The following DLG2 variants were observed in gnomAD, a reference collection of about 807,000 sequenced individuals.
The protein encoded by DLG2 is disks large homolog 2.
In DLG2, 45 loss-of-function variants were observed where a neutral mutation model predicts 132.5. The observed-to-expected ratio is 0.34, with a 90% CI of 0.27 to 0.44. The LOEUF is 0.44. Ranked by LOEUF, DLG2 falls within the 20% of genes least tolerant of loss-of-function variation. The pLI, the probability that DLG2 is intolerant of heterozygous loss-of-function variation, is 1.00. For missense variants in DLG2, 1,045 were observed against 1,196.9 expected (o/e 0.87, Z 1.87); for synonymous variants, 424 against 419.6 (o/e 1.01, Z -0.13).
intron 6 of DLG2, among the ~76,000 whole-genome samples, chr11:84,727,588 G>C (rs902511517): frequency 3.3e-5 from 5 of 151,914 alleles, no homozygotes; most frequent in African/African-American, 1.2e-4. Flanking sequence ...GCTCTTTTTT[G>C]GTTCCATATG....
intron 9 of DLG2, among the ~76,000 whole-genome samples, chr11:84,155,197 G>A (rs377561175): frequency 6.6e-6 from 1 of 152,062 alleles, no homozygotes; most frequent in African/African-American, 2.4e-5. Context: ...GAGGGTTGAG[G>A]CTCTTCATTT....
At chr11:84,193,610 C>T (rs868450102) in intron 8 of DLG2, among the ~76,000 whole-genome samples, 161 of 152,156 alleles carry the variant, frequency 1.1e-3, no homozygotes, top group African/African-American at 3.6e-3. Flanking sequence ...TTTGATTAAA[C>T]CTCATATTTG....
At position 84,502,198 on chromosome 11, in the gene DLG2, CTCTCCTTCCTTCCTTCCTTCCTTCCT is replaced by C. The variant is rs1220266206; in HGVS notation, c.519+32346_519+32371del. On this transcript the variant is annotated intron_variant, in intron 7 of 27. Coordinates refer to ENST00000376104, the MANE Select transcript of DLG2 (RefSeq NM_001142699.3). ...TCTTTCTCTCTCTTTCTCTCTCTCT[CTCTCCTTCCTTCCTTCCTTCCTTCCT>C]TCCTTCCTTCCTTCCTTCCTTCCTT... is the stretch of plus-strand genomic sequence containing the variant. Among the ~76,000 whole-genome samples, 42 of 9,040 alleles carry C rather than the reference CTCTCCTTCCTTCCTTCCTTCCTTCCT, an allele frequency of 4.6e-3. 8 individuals carry two copies. Among genetic ancestry groups the C allele is most frequent in the Non-Finnish European group, 7.6e-3 (28 of 3,662 alleles). The allele number at this position is 9,040 out of a possible 152,430, so 5.9% of individuals were successfully genotyped here. A position where few individuals can be genotyped will look rare whatever the true frequency, so the allele number is the denominator to read the frequency against.
intron 3 of DLG2, among the ~76,000 whole-genome samples, chr11:85,389,646 T>C (rs1301541772): frequency 6.6e-6 from 1 of 152,158 alleles, no homozygotes; most frequent in South Asian, 2.1e-4. Context: ...CCCTATCAGA[T>C]TAACAGCAGT....
At chr11:84,099,858 G>GAT (rs373401269) in intron 9 of DLG2, among the ~76,000 whole-genome samples, 340 of 4,612 alleles carry the variant, frequency 0.074, 132 homozygotes, top group South Asian at 0.11. Flanking sequence ...TATCTAAAGA[G>GAT]ATATATATAT....
chr11:83,460,468 CT>C (rs982471849), intron 27 of DLG2, among the ~76,000 whole-genome samples: 2 of 152,194 alleles, frequency 1.3e-5, no homozygotes, highest in Non-Finnish European at 2.9e-5. Flanking sequence ...TCTCTGGTAA[CT>C]TGAGATTTTT....
At chr11:84,606,648 T>C (rs2099586234) in intron 6 of DLG2, among the ~76,000 whole-genome samples, 1 of 152,100 alleles carries the variant, frequency 6.6e-6, no homozygotes, top group African/African-American at 2.4e-5. Context: ...TTTGGACAGC[T>C]GACAAGAAGA....
chr11:85,386,317 C>T lies in DLG2; in HGVS notation c.41-100952G>A, dbSNP rs79541176. 6.3e-3 allele frequency among the ~76,000 whole-genome samples: 962 copies of T among 152,148 alleles called. 4 individuals carry two copies. The highest frequency in any genetic ancestry group is 9.7e-3 in the Non-Finnish European group (658 of 67,996). On this transcript the variant is annotated intron_variant, in intron 3 of 27. Transcript: ENST00000376104. ...TATTATTATTGATTCACTTTAAAGA[C>T]GAGAAAACTGATGTTTGGTAAGATA...
At chr11:83,515,641 G>C (rs544289505) in intron 21 of DLG2, among the ~76,000 whole-genome samples, 1 of 152,228 alleles carries the variant, frequency 6.6e-6, no homozygotes, top group African/African-American at 2.4e-5. Context: ...GATCTTTCCT[G>C]CTTTCTGTTG....
At chr11:84,684,925 C>T (rs1465414778) in intron 6 of DLG2, among the ~76,000 whole-genome samples, 6 of 152,122 alleles carry the variant, frequency 3.9e-5, no homozygotes, top group African/African-American at 1.4e-4. Context: ...GTGAATGATT[C>T]TAGAGGAAGA....
chr11:84,128,906 CT>C (rs1214273008), intron 9 of DLG2, among the ~76,000 whole-genome samples: 4 of 152,046 alleles, frequency 2.6e-5, no homozygotes, highest in Non-Finnish European at 4.4e-5. Flanking sequence ...AATAGATCAC[CT>C]TTTTTGGCAT....
intron 6 of DLG2, among the ~76,000 whole-genome samples, chr11:85,069,287 C>A (rs1051513976): frequency 2.0e-5 from 3 of 151,982 alleles, no homozygotes; most frequent in African/African-American, 7.2e-5. Flanking sequence ...GCAACAGAAG[C>A]CAAAATTGAC....
intron 6 of DLG2, among the ~76,000 whole-genome samples, chr11:84,838,402 G>GAAAA (rs5793141): frequency 1.3e-5 from 2 of 148,820 alleles, no homozygotes. Context: ...TTGAATGACT[G>GAAAA]AAAAAAAAAA....
chr11:84,088,037 A>G (rs891608722), intron 10 of DLG2, among the ~76,000 whole-genome samples: 36 of 152,168 alleles, frequency 2.4e-4, no homozygotes, highest in African/African-American at 8.4e-4. Flanking sequence ...CAAGTCGTTT[A>G]TCAGGTATAT....
At chr11:85,585,474 G>A (rs115578120) in intron 3 of DLG2, among the ~76,000 whole-genome samples, 111 of 152,222 alleles carry the variant, frequency 7.3e-4, no homozygotes, top group African/African-American at 2.6e-3. Flanking sequence ...GTGGAAATGG[G>A]CATCCTTGTC....
intron 6 of DLG2, among the ~76,000 whole-genome samples, chr11:84,891,840 G>A (rs2089447264): frequency 6.6e-6 from 1 of 152,120 alleles, no homozygotes; most frequent in South Asian, 2.1e-4. Flanking sequence ...CTAAAGCAGA[G>A]CATCTCTGCC....
chr11:85,450,151 T>C (rs1470770943), intron 3 of DLG2, among the ~76,000 whole-genome samples: 1 of 152,156 alleles, frequency 6.6e-6, no homozygotes, highest in South Asian at 2.1e-4. Flanking sequence ...ACATAAATTT[T>C]AACTTGAAAG....
At chr11:83,756,004 A>G (rs956298650) in intron 18 of DLG2, among the ~76,000 whole-genome samples, 2 of 151,414 alleles carry the variant, frequency 1.3e-5, no homozygotes, top group Admixed American at 6.6e-5. Flanking sequence ...TTTTTGCTTC[A>G]GCAAAAGATT....
chr11:83,897,004 T>C (rs9666061), intron 15 of DLG2, among the ~76,000 whole-genome samples: 4 of 152,182 alleles, frequency 2.6e-5, no homozygotes, highest in East Asian at 1.9e-4. Flanking sequence ...TCTGATTCCA[T>C]ACTAGCAGAA....
Sources: gnomAD v4.1 joint callset for allele counts (sites outside exome capture counted in the v4.1 genomes callset) on GRCh38, gnomAD v4.1.1 for gene constraint, MANE v1.5 for transcripts, NCBI Gene and HGNC (gene_info 2026-07-23, HGNC 2026-07-21) for gene names.